Variants in ZFAT observed in about 807,000 individuals in gnomAD.
ZFAT encodes zinc finger and AT-hook domain containing, also known as zinc finger protein ZFAT.
ZFAT carries 64 observed loss-of-function variants against 117.7 expected under a neutral mutation model. The ratio of observed to expected loss-of-function variants is 0.54; its 90% CI spans 0.44 to 0.67. ZFAT has a LOEUF of 0.67. Among genes scored for constraint, ZFAT ranks in the 30% least tolerant of loss-of-function variants. The pLI, the probability that ZFAT is intolerant of heterozygous loss-of-function variation, is 0.00. For synonymous variants in ZFAT, 679 were observed against 615.0 expected, an observed-to-expected ratio of 1.10 and a Z score of -1.54; for missense variants, 1,433 against 1,584.5, an observed-to-expected ratio of 0.90 and a Z score of 1.62.
At chr8:134,549,991 C>T (rs1823008467) in intron 11 of ZFAT, among the ~76,000 whole-genome samples, 1 of 152,176 alleles carries the variant, frequency 6.6e-6, no homozygotes, top group South Asian at 2.1e-4. Flanking sequence ...TTCATGGGCT[C>T]GTGTTAGCAT....
the ZFAT span, among the ~76,000 whole-genome samples, chr8:134,782,776 TAAACCTCTTTTTCTTTATA>T: frequency 6.6e-6 from 1 of 150,660 alleles, no homozygotes; most frequent in South Asian, 2.1e-4. Flanking sequence ...ATGAGTCCAT[TAAACCTCTTTTTCTTTATA>T]AATTACCCAG....
chr8:134,656,892 T>A (rs1009869512), intron 2 of ZFAT, among the ~76,000 whole-genome samples: 2 of 152,204 alleles, frequency 1.3e-5, no homozygotes, highest in African/African-American at 4.8e-5. Flanking sequence ...GTGCACCTGC[T>A]GCATCGGATA....
Position 134,712,881 on chromosome 8 carries a change from G to A in ZFAT, c.-18C>T, listed in dbSNP as rs1814077491. ...GTCTCCATGGCAACGCCCCACCGCG[G>A]AGGAAAAAAAAGCCTCGGGCTCTTC... On this transcript the variant is annotated 5_prime_UTR_variant, in exon 1 of 16. Coordinates refer to ENST00000377838, the MANE Select transcript of ZFAT (RefSeq NM_020863.4). 33 of 1,505,874 alleles carry A rather than the reference G, an allele frequency of 2.2e-5. No homozygotes were observed. Among genetic ancestry groups the A allele is most frequent in the Non-Finnish European group, 2.7e-5 (31 of 1,127,354 alleles). The allele number at this position is 1,505,874 out of a possible 1,614,324, so 93.3% of individuals were successfully genotyped here. A position where few individuals can be genotyped will look rare whatever the true frequency, so the allele number is the denominator to read the frequency against.
chr8:134,539,970 T>C (rs887961610), intron 11 of ZFAT, among the ~76,000 whole-genome samples: 4 of 152,166 alleles, frequency 2.6e-5, no homozygotes, highest in African/African-American at 9.7e-5. Flanking sequence ...GAGCAAACCT[T>C]CCCTGCCTAC....
chr8:134,736,655 G>A, the ZFAT span, among the ~76,000 whole-genome samples: 1 of 152,050 alleles, frequency 6.6e-6, no homozygotes, highest in Non-Finnish European at 1.5e-5. Flanking sequence ...GAGTGCAGTG[G>A]TGCAATCACA....
intron 15 of ZFAT, among the ~76,000 whole-genome samples, chr8:134,488,229 T>C (rs904105219): frequency 6.6e-6 from 1 of 152,196 alleles, no homozygotes; most frequent in African/African-American, 2.4e-5. Context: ...CGGCGGCCCT[T>C]TGCTAATGAA....
intron 15 of ZFAT, among the ~76,000 whole-genome samples, chr8:134,485,597 C>T (rs1363444965): frequency 1.3e-5 from 2 of 152,074 alleles, no homozygotes; most frequent in Non-Finnish European, 2.9e-5. Context: ...AGGCAGTGGC[C>T]CGTGGGGACA....
intron 1 of ZFAT, among the ~76,000 whole-genome samples, chr8:134,689,978 C>T (rs1433636802): frequency 6.6e-6 from 1 of 152,214 alleles, no homozygotes; most frequent in Non-Finnish European, 1.5e-5. Context: ...TTCTTTAACC[C>T]AGTATATCCA....
At chr8:134,743,697 A>G in the ZFAT span, among the ~76,000 whole-genome samples, 2 of 151,986 alleles carry the variant, frequency 1.3e-5, no homozygotes, top group Non-Finnish European at 2.9e-5. Context: ...ACAGAGTCTC[A>G]CCTGGGGAGG....
upstream of ZFAT, among the ~76,000 whole-genome samples, chr8:134,714,847 C>T (rs899229392): frequency 2.0e-5 from 3 of 151,952 alleles, no homozygotes; most frequent in Admixed American, 2.0e-4. Flanking sequence ...CAAACTGCCC[C>T]CCAGGCCTCC....
At chr8:134,659,007 G>A (rs546380205) in intron 1 of ZFAT, among the ~76,000 whole-genome samples, 4 of 152,320 alleles carry the variant, frequency 2.6e-5, no homozygotes, top group South Asian at 2.1e-4. Context: ...GCAGCTGGAC[G>A]GCTGGCAATC....
At chr8:134,522,985 C>G (rs536939558) in intron 12 of ZFAT, among the ~76,000 whole-genome samples, 22 of 152,332 alleles carry the variant, frequency 1.4e-4, no homozygotes, top group Non-Finnish European at 7.3e-5. Context: ...TGGCCTGACA[C>G]CAGTTGTGGG....
the ZFAT span, among the ~76,000 whole-genome samples, chr8:134,817,419 A>ACC: frequency 9.2e-6 from 1 of 108,306 alleles, no homozygotes; most frequent in African/African-American, 3.2e-5. Flanking sequence ...ACACACACAC[A>ACC]CACACACACA....
the ZFAT span, among the ~76,000 whole-genome samples, chr8:134,815,012 C>T: frequency 2.0e-5 from 3 of 152,166 alleles, no homozygotes; most frequent in African/African-American, 7.2e-5. Flanking sequence ...AATCTAAGTT[C>T]CCTCTTCTAT....
intron 3 of ZFAT, among the ~76,000 whole-genome samples, chr8:134,614,707 T>A (rs779680983): frequency 3.3e-5 from 5 of 152,202 alleles, no homozygotes; most frequent in Non-Finnish European, 7.3e-5. Context: ...GGGTAGAGTC[T>A]CCTGCAATAG....
chr8:134,788,183 G>A, the ZFAT span, among the ~76,000 whole-genome samples: 2 of 151,844 alleles, frequency 1.3e-5, no homozygotes, highest in Non-Finnish European at 2.9e-5. Context: ...TTATTATTTC[G>A]TTGCTCTTCT....
chr8:134,702,254 AAGAC>A (rs1451595614), intron 1 of ZFAT, among the ~76,000 whole-genome samples: 126 of 152,342 alleles, frequency 8.3e-4, no homozygotes, highest in African/African-American at 2.9e-3. Context: ...AAATCAGACT[AAGAC>A]AGGGCTATTA....
chr8:134,487,271 T>C (rs1817725158), intron 15 of ZFAT, among the ~76,000 whole-genome samples: 2 of 152,204 alleles, frequency 1.3e-5, no homozygotes, highest in African/African-American at 4.8e-5. Context: ...CTGTAGCCTG[T>C]GACACTACTT....
chr8:134,807,128 C>T, the ZFAT span, among the ~76,000 whole-genome samples: 2 of 152,306 alleles, frequency 1.3e-5, no homozygotes, highest in African/African-American at 4.8e-5. Flanking sequence ...TGGAACAGTG[C>T]TACTGGTTCA....
Sources: gnomAD v4.1 joint callset for allele counts (sites outside exome capture counted in the v4.1 genomes callset) on GRCh38, gnomAD v4.1.1 for gene constraint, MANE v1.5 for transcripts, NCBI Gene and HGNC (gene_info 2026-07-23, HGNC 2026-07-21) for gene names.